The following MRPL1 variants were observed in gnomAD, a reference collection of about 807,000 sequenced individuals.
MRPL1 encodes mitochondrial ribosomal protein L1, also known as large ribosomal subunit protein uL1m.
A neutral mutation model predicts 38.0 loss-of-function variants in MRPL1; 28 were observed. The observed-to-expected ratio is 0.74, with a 90% confidence interval of 0.55 to 1.01. The LOEUF is 1.01. Among genes scored for constraint, MRPL1 ranks in the 50% least tolerant of loss-of-function variants. The probability of loss-of-function intolerance (pLI) is 0.00; values close to 1 mark genes in which losing one functional copy is unlikely to be tolerated. For missense variants in MRPL1, 358 were observed against 389.8 expected, an observed-to-expected ratio of 0.92 and a Z score of 0.69; for synonymous variants, 123 against 126.7, an observed-to-expected ratio of 0.97 and a Z score of 0.20.
chr4:77,938,395 G>A (rs936573308), intron 7 of MRPL1, among the ~76,000 whole-genome samples: 3 of 152,090 alleles, frequency 2.0e-5, no homozygotes, highest in African/African-American at 7.2e-5. Context: ...CTGCTGACGG[G>A]GTATTTTCTA....
At chr4:77,910,514 C>T (rs1736263238) in intron 7 of MRPL1, among the ~76,000 whole-genome samples, 1 of 152,160 alleles carries the variant, frequency 6.6e-6, no homozygotes, top group South Asian at 2.1e-4. Flanking sequence ...TGGCATGCAC[C>T]TGTAGTCTAG....
chr4:77,939,368 T>G (rs972953850), intron 7 of MRPL1, among the ~76,000 whole-genome samples: 4 of 152,138 alleles, frequency 2.6e-5, no homozygotes, highest in Non-Finnish European at 5.9e-5. Flanking sequence ...GTCCTTAGCC[T>G]TCTTTTTGAT....
intron 7 of MRPL1, among the ~76,000 whole-genome samples, chr4:77,925,715 T>G (rs911253435): frequency 6.6e-6 from 1 of 152,054 alleles, no homozygotes; most frequent in Non-Finnish European, 1.5e-5. Flanking sequence ...CTAATTACAA[T>G]TTTGGCTGCA....
At chr4:77,887,925 G>C (rs1447202940) in intron 5 of MRPL1, among the ~76,000 whole-genome samples, 1 of 152,064 alleles carries the variant, frequency 6.6e-6, no homozygotes, top group Non-Finnish European at 1.5e-5. Flanking sequence ...AGATAGGAAA[G>C]GGCAGTGTGA....
chr4:77,877,723 T>C (rs1735431900), intron 2 of MRPL1, among the ~76,000 whole-genome samples: 1 of 151,888 alleles, frequency 6.6e-6, no homozygotes, highest in Non-Finnish European at 1.5e-5. Context: ...GTTGCATGTC[T>C]TATGGGGAAG....
Position 77,887,308 on chromosome 4 carries a change from A to T in MRPL1, c.558+17A>T, listed in dbSNP as rs761347040. On this transcript the variant is annotated intron_variant, in intron 5 of 8. Coordinates refer to ENST00000315567, the MANE Select transcript of MRPL1 (RefSeq NM_020236.4). Reference sequence around the variant, plus strand: ...ATACAGAAGGTACAGTGTTGTTTTCATGTTCATTAAGTATAGAGATGATTC... The same window carrying T: ...ATACAGAAGGTACAGTGTTGTTTTCTTGTTCATTAAGTATAGAGATGATTC... 6.3e-7 allele frequency: 1 copy of T among 1,586,410 alleles called. No homozygotes were observed. The highest frequency in any genetic ancestry group is 2.2e-5 in the East Asian group (1 of 44,694).
rs72869556 is a variant in MRPL1, at chr4:77,900,521, C to T, written c.670+6271C>T. 6.0e-4 allele frequency among the ~76,000 whole-genome samples: 91 copies of T among 152,274 alleles called. 1 individual carries two copies. Among genetic ancestry groups the T allele is most frequent in the African/African-American group, 2.1e-3 (86 of 41,578 alleles). On this transcript the variant is annotated intron_variant, in intron 6 of 8. Coordinates refer to ENST00000315567, the MANE Select transcript of MRPL1 (RefSeq NM_020236.4). ...AGGCATTTGCTTTCCTTACATGAAT[C>T]AGGCAGAGGAAATGGCCATTTTACA... is the stretch of plus-strand genomic sequence containing the variant.
intron 2 of MRPL1, among the ~76,000 whole-genome samples, chr4:77,879,508 A>G (rs768090303): frequency 6.6e-6 from 1 of 152,238 alleles, no homozygotes; most frequent in Non-Finnish European, 1.5e-5. Flanking sequence ...TTAAAAAGTC[A>G]TATTTCAGCC....
intron 2 of MRPL1, among the ~76,000 whole-genome samples, chr4:77,877,702 A>C (rs1476399780): frequency 6.8e-6 from 1 of 147,976 alleles, no homozygotes; most frequent in African/African-American, 2.5e-5. Context: ...TCTTCATGGC[A>C]CCACTTATCT....
At chr4:77,936,375 T>C (rs757462830) in intron 7 of MRPL1, among the ~76,000 whole-genome samples, 5 of 152,072 alleles carry the variant, frequency 3.3e-5, no homozygotes, top group Non-Finnish European at 5.9e-5. Flanking sequence ...CAGAAGTCTA[T>C]CAGGATCCTA....
chr4:77,941,457 T>C (rs1737131157), intron 7 of MRPL1, among the ~76,000 whole-genome samples: 1 of 152,206 alleles, frequency 6.6e-6, no homozygotes, highest in African/African-American at 2.4e-5. Flanking sequence ...CAGTTCTTCT[T>C]TGAATGTCTG....
chr4:77,890,110 A>G (rs1177112785), intron 5 of MRPL1, among the ~76,000 whole-genome samples: 9 of 152,170 alleles, frequency 5.9e-5, no homozygotes, highest in Non-Finnish European at 2.9e-5. Flanking sequence ...AAAAGAGGGA[A>G]TCCTCCCTAA....
intron 7 of MRPL1, among the ~76,000 whole-genome samples, chr4:77,949,287 ATTGTTATTGC>A (rs1275928154): frequency 6.6e-6 from 1 of 152,210 alleles, no homozygotes; most frequent in Admixed American, 6.5e-5. Flanking sequence ...TGACAAGATA[ATTGTTATTGC>A]ATAGTGTTTG....
chr4:77,951,788 TG>T (rs781477488), intron 8 of MRPL1, among the ~76,000 whole-genome samples: 1 of 152,192 alleles, frequency 6.6e-6, no homozygotes, highest in African/African-American at 2.4e-5. Flanking sequence ...TATGTCTGCA[TG>T]ATCCCGGTGT....
chr4:77,880,191 GGGCTAAAATCAAGGTATT>G (rs1483017963), intron 2 of MRPL1, among the ~76,000 whole-genome samples: 2 of 152,048 alleles, frequency 1.3e-5, no homozygotes, highest in African/African-American at 2.4e-5. Flanking sequence ...GGATCTCACT[GGGCTAAAATCAAGGTATT>G]GGCAGTTTAT....
chr4:77,918,210 C>T lies in MRPL1; in HGVS notation c.777+8838C>T, dbSNP rs147773930. On this transcript the variant is annotated intron_variant, in intron 7 of 8. Transcript: ENST00000315567. ...TATACCAGGTAGATAAAGGGTCGTT[C>T]GTATTTCAAAATAACATGCATGATG... is the stretch of plus-strand genomic sequence containing the variant. Among the ~76,000 whole-genome samples the T allele has an allele frequency of 1.4e-3, 207 of 152,150 alleles. 1 individual carries two copies. Among genetic ancestry groups the T allele is most frequent in the African/African-American group, 4.3e-3 (177 of 41,522 alleles).
At chr4:77,951,404 T>C (rs1381272012) in intron 8 of MRPL1, among the ~76,000 whole-genome samples, 1 of 152,184 alleles carries the variant, frequency 6.6e-6, no homozygotes, top group Non-Finnish European at 1.5e-5. Flanking sequence ...GAGAAATGAA[T>C]TATTAGTGAG....
At chr4:77,932,840 T>C (rs1297216535) in intron 7 of MRPL1, among the ~76,000 whole-genome samples, 1 of 151,996 alleles carries the variant, frequency 6.6e-6, no homozygotes, top group Non-Finnish European at 1.5e-5. Flanking sequence ...AAAACTGTCT[T>C]CTACAAAACT....
chr4:77,865,240 T>A (rs551809676), intron 1 of MRPL1, among the ~76,000 whole-genome samples: 2 of 152,300 alleles, frequency 1.3e-5, no homozygotes, highest in Admixed American at 6.5e-5. Flanking sequence ...ACAGTTGGGA[T>A]CACTCTTCTG....
Sources: gnomAD v4.1 joint callset for allele counts (sites outside exome capture counted in the v4.1 genomes callset) on GRCh38, gnomAD v4.1.1 for gene constraint, MANE v1.5 for transcripts, NCBI Gene and HGNC (gene_info 2026-07-23, HGNC 2026-07-21) for gene names.